The following TULP4 variants were observed in gnomAD, a reference collection of about 807,000 sequenced individuals.
The protein encoded by TULP4 is tubby-related protein 4.
Under a neutral mutation model 129.0 loss-of-function variants are expected in TULP4, and 16 were observed. The ratio of observed to expected loss-of-function variants is 0.12; its 90% CI spans 0.08 to 0.19. The LOEUF (loss-of-function observed/expected upper bound fraction) is 0.19, where lower values mean the gene tolerates loss of function less well. Ranked by LOEUF, TULP4 falls within the 10% of genes least tolerant of loss-of-function variation. TULP4 has a pLI of 1.00. For missense variants in TULP4, 1,842 were observed against 2,059.1 expected (o/e 0.89, Z 2.04); for synonymous variants, 998 against 854.0 (o/e 1.17, Z -2.94).
intron 1 of TULP4, among the ~76,000 whole-genome samples, chr6:158,325,633 G>A (rs920533552): frequency 2.6e-5 from 4 of 152,088 alleles, no homozygotes; most frequent in African/African-American, 9.7e-5. Flanking sequence ...GTTCAGGCGT[G>A]AGCCACCGCG....
chr6:158,503,488 C>T lies in TULP4; in HGVS notation c.3825C>T (p.Pro1275=), dbSNP rs1780520658. 6.2e-7 allele frequency: 1 copy of T among 1,613,956 alleles called. No homozygotes were observed. ...SYSACPPMQN[P]QGTLPPKPHL... ...GCGCCTGCCCGCCCATGCAGAACCC[C>T]CAGGGCACTCTCCCCCCAAAGCCAC... The change falls in exon 13 of 14, where the codon CCC becomes CCT. Residue 1275 remains proline, a synonymous_variant. Coordinates refer to ENST00000367097, the MANE Select transcript of TULP4 (RefSeq NM_020245.5). This position sits in a 1 kb window ranked among gnomAD's most constrained non-coding sequence, Gnocchi z 4.3.
intron 3 of TULP4, among the ~76,000 whole-genome samples, chr6:158,444,987 G>GT (rs1367035308): frequency 1.8e-4 from 28 of 151,814 alleles, no homozygotes; most frequent in Admixed American, 1.6e-3. Context: ...ACATCTTTTT[G>GT]TTTTTTTTAG....
chr6:158,503,008 C>G lies in TULP4; in HGVS notation c.3345C>G (p.Thr1115=). Residue 1115 remains threonine, a synonymous_variant, in exon 13 of 14, where the codon ACC becomes ACG. Coordinates refer to ENST00000367097, the MANE Select transcript of TULP4 (RefSeq NM_020245.5). The surrounding 1 kb of genome is among the most constrained non-coding windows in gnomAD (Gnocchi z 4.3). Reference sequence around the variant, plus strand: ...CTCCCCTGCCTGAAGCTGCTGTCACCCTGAAACGGCCACCCCCTTACCAGT... The same window carrying G: ...CTCCCCTGCCTGAAGCTGCTGTCACGCTGAAACGGCCACCCCCTTACCAGT... ...RHPPLPEAAV[T]LKRPPPYQWD... 6.2e-7 allele frequency: 1 copy of G among 1,614,090 alleles called. No individual in the cohort carries two copies. The highest frequency in any genetic ancestry group is 8.5e-7 in the Non-Finnish European group (1 of 1,180,002).
chr6:158,449,095 A>T lies in TULP4; in HGVS notation c.643A>T (p.Met215Leu). The change falls in exon 4 of 14, where the codon ATG (methionine) becomes TTG (leucine). Residue 215 changes from methionine to leucine, a missense_variant. By Grantham distance (15) the Met-to-Leu change is conservative (BLOSUM62 2). Coordinates refer to ENST00000367097, the MANE Select transcript of TULP4 (RefSeq NM_020245.5). ...GCACGAGTCAGACGGTGTCCTCGGC[A>T]TGTCCTGGAACTACCCGATCTTCCT... ...LLHESDGVLG[M>L]SWNYPIFLVE... 1 of 1,614,164 alleles carries T rather than the reference A, an allele frequency of 6.2e-7. No homozygotes were observed. The highest frequency in any genetic ancestry group is 8.5e-7 in the Non-Finnish European group (1 of 1,180,040).
At chr6:158,399,758 TC>T (rs1777801035) in intron 1 of TULP4, among the ~76,000 whole-genome samples, 1 of 152,246 alleles carries the variant, frequency 6.6e-6, no homozygotes, top group Non-Finnish European at 1.5e-5. Flanking sequence ...TTGCTCAAAG[TC>T]CCAAGTTAGT....
intron 2 of TULP4, among the ~76,000 whole-genome samples, chr6:158,419,484 A>T (rs11961208): frequency 6.6e-6 from 1 of 152,162 alleles, no homozygotes; most frequent in African/African-American, 2.4e-5. Flanking sequence ...AACAAATATA[A>T]TGCTAATTAG....
At chr6:158,443,247 G>A (rs919343511) in intron 3 of TULP4, among the ~76,000 whole-genome samples, 11 of 152,048 alleles carry the variant, frequency 7.2e-5, no homozygotes, top group Non-Finnish European at 1.5e-4. Context: ...CTCCCAAAGT[G>A]CTGGGATTAT....
At position 158,303,765 on chromosome 6, in the gene TULP4, G is replaced by A. The variant is rs376046821; in HGVS notation, n.117-8286G>A. Among the ~76,000 whole-genome samples the A allele has an allele frequency of 2.3e-4, 35 of 152,322 alleles. 1 individual carries two copies. Among genetic ancestry groups the A allele is most frequent in the African/African-American group, 7.0e-4 (29 of 41,562 alleles). The stretch of plus-strand genomic sequence containing the variant: ...GGAATGCTATTTGCAGGGTATTCAC[G>A]TCTTCAGTAATACTAGTAATACCAA... On this transcript the variant is annotated intron_variant and non_coding_transcript_variant, in intron 1 of 1. Transcript: ENST00000432358.
At chr6:158,261,146 T>TC (rs1283767963) in intron 1 of TULP4, among the ~76,000 whole-genome samples, 2 of 152,140 alleles carry the variant, frequency 1.3e-5, no homozygotes, top group African/African-American at 4.8e-5. Flanking sequence ...ATCAGTGCTC[T>TC]CCAGGAGAAT....
intron 3 of TULP4, among the ~76,000 whole-genome samples, chr6:158,440,285 T>C (rs1388051099): frequency 8.0e-6 from 1 of 125,770 alleles, no homozygotes; most frequent in Non-Finnish European, 1.6e-5. Context: ...GTCACTGCAC[T>C]CCAGCCTGGA....
intron 8 of TULP4, among the ~76,000 whole-genome samples, chr6:158,485,955 G>A (rs1780054874): frequency 6.6e-6 from 1 of 152,202 alleles, no homozygotes; most frequent in African/African-American, 2.4e-5. Flanking sequence ...GCTTCAGGAT[G>A]AATTGTACCT....
intron 1 of TULP4, among the ~76,000 whole-genome samples, chr6:158,380,955 G>A (rs185881103): frequency 6.5e-4 from 97 of 149,954 alleles, no homozygotes; most frequent in African/African-American, 2.3e-3. Flanking sequence ...ATCTTTGCCT[G>A]AGGCTCTTGT....
chr6:158,261,299 A>G (rs1235584157), intron 1 of TULP4, among the ~76,000 whole-genome samples: 1 of 152,242 alleles, frequency 6.6e-6, no homozygotes, highest in African/African-American at 2.4e-5. Context: ...TAATTTAACC[A>G]TATGTGGCTA....
intron 3 of TULP4, among the ~76,000 whole-genome samples, chr6:158,435,417 C>T (rs991843531): frequency 6.6e-6 from 1 of 152,136 alleles, no homozygotes; most frequent in Admixed American, 6.5e-5. Context: ...TTGGCGTCTT[C>T]TGGACCCTGT....
chr6:158,267,670 G>T (rs1283235225), intron 1 of TULP4, among the ~76,000 whole-genome samples: 1 of 152,186 alleles, frequency 6.6e-6, no homozygotes, highest in African/African-American at 2.4e-5. Flanking sequence ...AGCAAATTGT[G>T]TGGCAATCCA....
chr6:158,240,962 C>T (rs554097714), intron 1 of TULP4, among the ~76,000 whole-genome samples: 15 of 142,818 alleles, frequency 1.1e-4, no homozygotes, highest in East Asian at 4.7e-4. Flanking sequence ...GGGCAGCTGC[C>T]GGGCGGAGGG....
At position 158,313,508 on chromosome 6, in the gene TULP4, G is replaced by A. The variant is rs879215354; in HGVS notation, c.-509G>A. ...GAAGGAAGATGATCCTGTGTATTCTGTCTCTGCATCCGAACTTTTGAAGAG... is the reference window on the plus strand; with the variant it reads ...GAAGGAAGATGATCCTGTGTATTCTATCTCTGCATCCGAACTTTTGAAGAG... On this transcript the variant is annotated 5_prime_UTR_variant, in exon 1 of 14. Coordinates refer to ENST00000367097, the MANE Select transcript of TULP4 (RefSeq NM_020245.5). 1 of 402,798 alleles carries A rather than the reference G, an allele frequency of 2.5e-6. No individual in the cohort carries two copies. The highest frequency in any genetic ancestry group is 4.4e-6 in the Non-Finnish European group (1 of 228,752). The allele number at this position is 402,798 out of a possible 1,614,324, so 25.0% of individuals were successfully genotyped here.
chr6:158,268,792 A>T (rs184898833), intron 1 of TULP4, among the ~76,000 whole-genome samples: 24 of 152,278 alleles, frequency 1.6e-4, no homozygotes, highest in East Asian at 9.6e-4. Context: ...CTCTATTTTT[A>T]TATGACTTTT....
At chr6:158,494,168 T>G (rs1401482221) in intron 10 of TULP4, among the ~76,000 whole-genome samples, 1 of 152,294 alleles carries the variant, frequency 6.6e-6, no homozygotes, top group African/African-American at 2.4e-5. Flanking sequence ...CCTCCTACCC[T>G]GGTTTGCCGG....
Sources: gnomAD v4.1 joint callset for allele counts (sites outside exome capture counted in the v4.1 genomes callset) on GRCh38, gnomAD v4.1.1 for gene constraint, Gnocchi (gnomAD v3.1) non-coding constraint, MANE v1.5 for transcripts, NCBI Gene and HGNC (gene_info 2026-07-23, HGNC 2026-07-21) for gene names.